ASB5: variants seen among roughly 807,000 people sequenced by gnomAD.
ASB5 encodes the protein ankyrin repeat and SOCS box containing 5, also known as ankyrin repeat and SOCS box protein 5.
Under a neutral mutation model 42.1 loss-of-function variants are expected in ASB5, and 45 were observed. The ratio of observed to expected loss-of-function variants is 1.07; its 90% CI spans 0.84 to 1.37. The LOEUF (loss-of-function observed/expected upper bound fraction) is 1.37. Ranked by LOEUF, ASB5 falls within the 40% of genes most tolerant of loss-of-function variation. ASB5 has a pLI of 0.00. For missense variants in ASB5, 402 were observed against 399.8 expected (o/e 1.01, Z -0.05); for synonymous variants, 147 against 150.6 (o/e 0.98, Z 0.18).
chr4:176,229,435 T>C (rs1025152930), intron 1 of ASB5, among the ~76,000 whole-genome samples: 1 of 152,174 alleles, frequency 6.6e-6, no homozygotes. Context: ...TGCATACTAA[T>C]GTGTTTGTTC....
chr4:176,257,972 A>G (rs1754186960), intron 1 of ASB5, among the ~76,000 whole-genome samples: 1 of 152,186 alleles, frequency 6.6e-6, no homozygotes, highest in Non-Finnish European at 1.5e-5. Flanking sequence ...TGCTTAGTAG[A>G]CAGGTCCTGG....
intron 1 of ASB5, among the ~76,000 whole-genome samples, chr4:176,229,227 A>G (rs918038772): frequency 6.6e-6 from 1 of 152,008 alleles, no homozygotes; most frequent in Non-Finnish European, 1.5e-5. Flanking sequence ...ATCCCTGCCT[A>G]TTTTTCCATT....
intron 1 of ASB5, among the ~76,000 whole-genome samples, chr4:176,254,955 C>A (rs1207132538): frequency 2.6e-5 from 4 of 152,236 alleles, no homozygotes; most frequent in Non-Finnish European, 4.4e-5. Context: ...CATGGTGAAA[C>A]CCCATCTCTA....
chr4:176,224,215 C>T (rs1409842387), intron 2 of ASB5, among the ~76,000 whole-genome samples: 2 of 124,430 alleles, frequency 1.6e-5, no homozygotes, highest in Admixed American at 9.5e-5. Flanking sequence ...TCTGGATGTG[C>T]ATTTGATTTT....
chr4:176,238,292 G>A (rs1753736547), intron 1 of ASB5, among the ~76,000 whole-genome samples: 1 of 151,102 alleles, frequency 6.6e-6, no homozygotes, highest in Non-Finnish European at 1.5e-5. Flanking sequence ...GTTTAGAATT[G>A]GCTTCAATAC....
At chr4:176,229,225 C>T (rs1302413446) in intron 1 of ASB5, among the ~76,000 whole-genome samples, 2 of 152,082 alleles carry the variant, frequency 1.3e-5, no homozygotes, top group Non-Finnish European at 2.9e-5. Flanking sequence ...TTATCCCTGC[C>T]TATTTTTCCA....
chr4:176,234,984 A>G (rs1453278240), intron 1 of ASB5, among the ~76,000 whole-genome samples: 3 of 152,238 alleles, frequency 2.0e-5, no homozygotes, highest in African/African-American at 7.2e-5. Context: ...CTCAAGTTAT[A>G]AACAATAACT....
rs1752939908 is a variant in ASB5 at position 176,215,440 on chromosome 4, G to A, written c.*160C>T. ...AGACAGCATAAATGATAAAACAATAGTACTAATACACTTAAAATGAAAATT... is the reference window on the plus strand; with the variant it reads ...AGACAGCATAAATGATAAAACAATAATACTAATACACTTAAAATGAAAATT... On this transcript the variant is annotated 3_prime_UTR_variant, in exon 7 of 7. Coordinates refer to ENST00000296525, the MANE Select transcript of ASB5 (RefSeq NM_080874.4). The A allele has an allele frequency of 3.1e-6, 2 of 650,560 alleles. No individual in the cohort carries two copies. Among genetic ancestry groups the A allele is most frequent in the Non-Finnish European group, 2.5e-6 (1 of 399,646 alleles). The allele number at this position is 650,560 out of a possible 1,614,324, so 40.3% of individuals were successfully genotyped here.
intron 6 of ASB5, among the ~76,000 whole-genome samples, chr4:176,216,499 C>T (rs1392625593): frequency 6.6e-6 from 1 of 152,120 alleles, no homozygotes; most frequent in Non-Finnish European, 1.5e-5. Flanking sequence ...TACAGGCACG[C>T]ACCACCATGC....
chr4:176,222,400 T>C lies in ASB5; in HGVS notation c.297A>G (p.Val99=). 6.2e-7 allele frequency: 1 copy of C among 1,613,298 alleles called. No homozygotes were observed. The highest frequency in any genetic ancestry group is 1.1e-5 in the South Asian group (1 of 90,868). The change falls in exon 3 of 7, where the codon GTA becomes GTG. Residue 99 remains valine, a synonymous_variant. Coordinates refer to ENST00000296525, the MANE Select transcript of ASB5 (RefSeq NM_080874.4). ...GCAATGGGGTGACATGGTCTAAGGT[T>C]ACTGCATTTACATTATAACCCTAAA... is the stretch of plus-strand genomic sequence containing the variant. ...LLSQGYNVNA[V]TLDHVTPLHE... is the part of the protein sequence containing the mutation.
At chr4:176,235,972 TC>T (rs1384988845) in intron 1 of ASB5, among the ~76,000 whole-genome samples, 1 of 152,090 alleles carries the variant, frequency 6.6e-6, no homozygotes, top group African/African-American at 2.4e-5. Context: ...GCCTCAGCCT[TC>T]TGAGTCACTG....
At position 176,213,820 on chromosome 4, in the gene ASB5, G is replaced by A. The variant is rs1157773328; in HGVS notation, c.*1780C>T. 1 of 152,040 alleles carries A rather than the reference G, an allele frequency of 6.6e-6. No homozygotes were observed. The highest frequency in any genetic ancestry group is 1.9e-4 in the East Asian group (1 of 5,200). 9.4% of individuals were successfully genotyped at this position (152,040 alleles called of 1,614,324 possible). On this transcript the variant is annotated 3_prime_UTR_variant, in exon 7 of 7. Coordinates refer to ENST00000296525, the MANE Select transcript of ASB5 (RefSeq NM_080874.4). The stretch of plus-strand genomic sequence containing the variant: ...GAAATTGTAAAGTGACCATTTTAAT[G>A]TTTGATATTTACTTCTCTTATTGGC...
intron 1 of ASB5, among the ~76,000 whole-genome samples, chr4:176,244,017 A>G (rs1191073057): frequency 1.3e-5 from 2 of 152,194 alleles, no homozygotes; most frequent in Non-Finnish European, 2.9e-5. Flanking sequence ...CATTCAATTT[A>G]TAGCTATTTA....
chr4:176,254,297 A>C (rs1472311236), intron 1 of ASB5, among the ~76,000 whole-genome samples: 1 of 152,206 alleles, frequency 6.6e-6, no homozygotes, highest in East Asian at 1.9e-4. Flanking sequence ...AAGTTGACAA[A>C]AATAACAGTG....
At chr4:176,257,855 T>A (rs1447436779) in intron 1 of ASB5, among the ~76,000 whole-genome samples, 2 of 152,148 alleles carry the variant, frequency 1.3e-5, no homozygotes, top group Non-Finnish European at 2.9e-5. Flanking sequence ...ACTGACAACT[T>A]ACTAAGCTCT....
chr4:176,266,684 A>C (rs547284280), intron 1 of ASB5, among the ~76,000 whole-genome samples: 1 of 152,126 alleles, frequency 6.6e-6, no homozygotes, highest in Non-Finnish European at 1.5e-5. Context: ...CTATTGTTTC[A>C]TATACAGATT....
At position 176,219,581 on chromosome 4, in the gene ASB5, T is replaced by TAAATATAA. The variant is rs1316174877; in HGVS notation, c.670+1573_670+1574insTTATATTT. Among the ~76,000 whole-genome samples, 6 of 19,678 alleles carry TAAATATAA rather than the reference T, an allele frequency of 3.0e-4. 1 individual carries two copies. Among genetic ancestry groups the TAAATATAA allele is most frequent in the South Asian group, 1.0e-3 (1 of 956 alleles). The allele number at this position is 19,678 out of a possible 152,430, so 12.9% of individuals were successfully genotyped here. On this transcript the variant is annotated intron_variant, in intron 5 of 6. Coordinates refer to ENST00000296525, the MANE Select transcript of ASB5 (RefSeq NM_080874.4). ...AATATGTATATATTTGTATGATATA[T>TAAATATAA]ATATATATATATATATATATATATA...
upstream of ASB5, among the ~76,000 whole-genome samples, chr4:176,271,076 G>A (rs1754460986): frequency 6.6e-6 from 1 of 152,172 alleles, no homozygotes; most frequent in Admixed American, 6.6e-5. Context: ...GGTGCATTAA[G>A]TTTAAATCCT....
intron 1 of ASB5, among the ~76,000 whole-genome samples, chr4:176,256,460 G>A (rs1054235497): frequency 2.0e-5 from 3 of 152,142 alleles, no homozygotes; most frequent in Non-Finnish European, 2.9e-5. Context: ...TTTTAGGATC[G>A]ATACTTTCTA....
Sources: gnomAD v4.1 joint callset for allele counts (sites outside exome capture counted in the v4.1 genomes callset) on GRCh38, gnomAD v4.1.1 for gene constraint, MANE v1.5 for transcripts, NCBI Gene and HGNC (gene_info 2026-07-23, HGNC 2026-07-21) for gene names.